Variants in DCDC1 observed in about 807,000 individuals in gnomAD.
DCDC1 encodes the protein doublecortin domain containing 1.
In DCDC1, 200 loss-of-function variants were observed where a neutral mutation model predicts 178.3. That is an observed-to-expected ratio of 1.12 (90% confidence interval 1.00 to 1.26). The LOEUF (loss-of-function observed/expected upper bound fraction) is 1.26. Ranked by LOEUF, DCDC1 falls within the 50% of genes most tolerant of loss-of-function variation. The pLI is 0.00. For missense variants in DCDC1, 1,983 were observed against 1,749.2 expected (o/e 1.13, Z -2.38); for synonymous variants, 690 against 604.8 (o/e 1.14, Z -2.07).
chr11:30,919,022 C>CA lies in DCDC1; in HGVS notation c.3293+1753dup, dbSNP rs981568568. ...TAAATCATCCCATTTTTCAAATATG[C>CA]AAAAAACTCCAAACAAGCACATTTA... On this transcript the variant is annotated intron_variant, in intron 25 of 38. Transcript: ENST00000684477. Among the ~76,000 whole-genome samples, 42 of 151,892 alleles carry CA rather than the reference C, an allele frequency of 2.8e-4. 1 individual carries two copies. Among genetic ancestry groups the CA allele is most frequent in the Admixed American group, 5.9e-4 (9 of 15,242 alleles).
At chr11:30,936,626 C>T (rs1947295489) in intron 21 of DCDC1, among the ~76,000 whole-genome samples, 1 of 152,124 alleles carries the variant, frequency 6.6e-6, no homozygotes, top group Admixed American at 6.5e-5. Context: ...GGGAAGACTC[C>T]TGGGTTATCA....
At position 31,230,412 on chromosome 11, in the gene DCDC1, A is replaced by G. The variant is rs138663964; in HGVS notation, c.1221+11038T>C. The stretch of plus-strand genomic sequence containing the variant: ...TATATTAAGGGACAAAATGCCTACA[A>G]TTACTACACTGCAGAGGCTGAGGGG... On this transcript the variant is annotated intron_variant, in intron 9 of 38. Transcript: ENST00000684477. 5.4e-3 allele frequency among the ~76,000 whole-genome samples: 822 copies of G among 152,266 alleles called. 10 individuals carry two copies. Among genetic ancestry groups the G allele is most frequent in the African/African-American group, 0.019 (784 of 41,550 alleles).
chr11:31,005,264 A>C (rs1340933407), intron 20 of DCDC1, among the ~76,000 whole-genome samples: 1 of 152,188 alleles, frequency 6.6e-6, no homozygotes, highest in Non-Finnish European at 1.5e-5. Context: ...TAGTCCACCA[A>C]CAACAATGGC....
intron 11 of DCDC1, among the ~76,000 whole-genome samples, chr11:31,122,529 A>G (rs1042181238): frequency 1.2e-4 from 18 of 152,114 alleles, no homozygotes; most frequent in African/African-American, 4.3e-4. Flanking sequence ...ATAACATATA[A>G]TTTGCAAATA....
Position 30,920,792 on chromosome 11 carries a change from C to T in DCDC1, c.3277G>A (p.Ala1093Thr). 6.2e-7 allele frequency: 1 copy of T among 1,613,566 alleles called. No individual in the cohort carries two copies. The highest frequency in any genetic ancestry group is 8.5e-7 in the Non-Finnish European group (1 of 1,179,708). Residue 1093 changes from alanine (A) to threonine (T), a missense_variant, in exon 25 of 39, where the codon GCT (alanine) becomes ACT (threonine). Transcript: ENST00000684477. ...ATTACTTACAGAATTTCACTGGAAGCATTTTCCGTTGTTAGAGGATCTTCT... is the reference window on the plus strand; with the variant it reads ...ATTACTTACAGAATTTCACTGGAAGTATTTTCCGTTGTTAGAGGATCTTCT... Reference protein sequence around the residue: ...MQEDPLTTENASSEILDSHVR... With the variant: ...MQEDPLTTENTSSEILDSHVR...
chr11:31,178,052 C>T (rs1392000212), intron 9 of DCDC1, among the ~76,000 whole-genome samples: 1 of 152,152 alleles, frequency 6.6e-6, no homozygotes, highest in Admixed American at 6.5e-5. Context: ...ATTTACAAAA[C>T]ATTTCATAAA....
rs1479586955 is a variant in DCDC1, at chr11:30,984,414, T to C, written c.2592-31846A>G. 2.6e-5 allele frequency among the ~76,000 whole-genome samples: 4 copies of C among 152,156 alleles called. No individual in the cohort carries two copies. In the East Asian group the frequency reaches 5.8e-4, roughly 22 times the overall value. ...AAAACAGGTTTTTCTCTCACAAAAA[T>C]TCACTGATTTTAGTTTGGTAAGCAA... On this transcript the variant is annotated intron_variant, in intron 20 of 38. Coordinates refer to ENST00000684477, the MANE Select transcript of DCDC1 (RefSeq NM_001387274.1).
chr11:31,214,104 T>C (rs1973221777), intron 9 of DCDC1, among the ~76,000 whole-genome samples: 2 of 141,762 alleles, frequency 1.4e-5, no homozygotes, highest in African/African-American at 5.0e-5. Context: ...AAAACATTAA[T>C]TCATTGTAAA....
intron 20 of DCDC1, among the ~76,000 whole-genome samples, chr11:31,019,090 T>C (rs1382079170): frequency 6.6e-6 from 1 of 152,162 alleles, no homozygotes; most frequent in Non-Finnish European, 1.5e-5. Context: ...GCCAGCTGTT[T>C]TGTGACCTAA....
chr11:31,170,878 G>A (rs986374089), intron 9 of DCDC1, among the ~76,000 whole-genome samples: 8 of 151,936 alleles, frequency 5.3e-5, no homozygotes, highest in Non-Finnish European at 1.0e-4. Flanking sequence ...TGCCCAGGCT[G>A]GAGTGCAATA....
chr11:31,207,438 G>A (rs910626137), intron 9 of DCDC1, among the ~76,000 whole-genome samples: 8 of 152,112 alleles, frequency 5.3e-5, no homozygotes, highest in Non-Finnish European at 8.8e-5. Flanking sequence ...AATAAGTGTT[G>A]ATTGAGTTAT....
Position 31,054,965 on chromosome 11 carries a change from A to AT in DCDC1, c.2591+9503dup, listed in dbSNP as rs140740773. 5.2e-3 allele frequency among the ~76,000 whole-genome samples: 796 copies of AT among 152,324 alleles called. 8 individuals carry two copies. Among genetic ancestry groups the AT allele is most frequent in the African/African-American group, 0.018 (759 of 41,584 alleles). On this transcript the variant is annotated intron_variant, in intron 20 of 38. Transcript: ENST00000684477. ...GATGAAGAACCTAAAAGCAAATGCA[A>AT]TAAAAACAAAGATAAATAGTTGTGA... is the stretch of plus-strand genomic sequence containing the variant.
chr11:30,992,451 A>T (rs1331218479), intron 20 of DCDC1: 1 of 152,194 alleles, frequency 6.6e-6, no homozygotes, highest in Non-Finnish European at 1.5e-5. Flanking sequence ...CCAAAGATAG[A>T]TACCAACCTG....
At chr11:30,918,338 CGTTA>C (rs910046713) in intron 25 of DCDC1, among the ~76,000 whole-genome samples, 2 of 151,820 alleles carry the variant, frequency 1.3e-5, no homozygotes, top group Admixed American at 1.3e-4. Flanking sequence ...ACAAACCATT[CGTTA>C]GTTATTCACT....
At chr11:31,342,130 T>C (rs1202040681) in intron 1 of DCDC1, among the ~76,000 whole-genome samples, 2 of 152,218 alleles carry the variant, frequency 1.3e-5, no homozygotes, top group East Asian at 1.9e-4. Flanking sequence ...TGGAGAACTT[T>C]CCTTTTGAAC....
At chr11:31,093,705 G>A (rs1957954564) in intron 16 of DCDC1, among the ~76,000 whole-genome samples, 1 of 152,108 alleles carries the variant, frequency 6.6e-6, no homozygotes, top group Non-Finnish European at 1.5e-5. Flanking sequence ...AAAGCTGAGG[G>A]GTAAAACTCA....
At chr11:31,244,397 C>A (rs1182406708) in intron 8 of DCDC1, among the ~76,000 whole-genome samples, 3 of 151,648 alleles carry the variant, frequency 2.0e-5, no homozygotes, top group Admixed American at 6.6e-5. Context: ...ATGTAGAGTT[C>A]TCTTTTTCCC....
At chr11:30,922,783 TAC>T in intron 23 of DCDC1, 145 bp from the exon 24 acceptor site, 16 of 774,010 alleles carry the variant, frequency 2.1e-5, no homozygotes, top group Non-Finnish European at 2.5e-5. Flanking sequence ...TACCACTCAG[TAC>T]TTTCAAAAAA....
At chr11:30,974,048 C>A (rs2134715715) in intron 20 of DCDC1, among the ~76,000 whole-genome samples, 2 of 151,194 alleles carry the variant, frequency 1.3e-5, no homozygotes, top group Middle Eastern at 3.4e-3. Flanking sequence ...TCTTCTCAGA[C>A]CAAAAAAAAG....
Sources: gnomAD v4.1 joint callset for allele counts (sites outside exome capture counted in the v4.1 genomes callset) on GRCh38, gnomAD v4.1.1 for gene constraint, MANE v1.5 for transcripts, NCBI Gene and HGNC (gene_info 2026-07-23, HGNC 2026-07-21) for gene names.